The following ICA1L variants were observed in gnomAD, a reference collection of about 807,000 sequenced individuals.
ICA1L encodes the protein islet cell autoantigen 1 like, also known as islet cell autoantigen 1-like protein.
A neutral mutation model predicts 61.3 loss-of-function variants in ICA1L; 50 were observed. The observed-to-expected ratio is 0.82, with a 90% CI of 0.65 to 1.03. The LOEUF (loss-of-function observed/expected upper bound fraction) is 1.03. Ranked by LOEUF, ICA1L falls within the 50% of genes least tolerant of loss-of-function variation. The pLI is 0.00. For synonymous variants in ICA1L, 161 were observed against 191.3 expected (o/e 0.84, Z 1.31); for missense variants, 508 against 556.7 (o/e 0.91, Z 0.88).
chr2:202,807,130 G>C (rs1433883978), intron 9 of ICA1L, among the ~76,000 whole-genome samples: 1 of 152,152 alleles, frequency 6.6e-6, no homozygotes, highest in African/African-American at 2.4e-5. Context: ...ATCCATACAA[G>C]AAAGAACCTT....
rs115016096 is a variant in ICA1L, at chr2:202,807,965, C to T, written c.910+3781G>A. On this transcript the variant is annotated intron_variant, in intron 9 of 12. Transcript: ENST00000358299. ...ACCCTGGGCCCTGAATAAACATCAGCAGCACCCAGGCAGTACTCACCATGG... is the reference window on the plus strand; with the variant it reads ...ACCCTGGGCCCTGAATAAACATCAGTAGCACCCAGGCAGTACTCACCATGG... 5.2e-3 allele frequency among the ~76,000 whole-genome samples: 797 copies of T among 152,286 alleles called. 5 individuals carry two copies. The highest frequency in any genetic ancestry group is 0.018 in the African/African-American group (737 of 41,558).
chr2:202,792,741 T>C (rs1360515793), intron 10 of ICA1L, among the ~76,000 whole-genome samples: 8 of 152,028 alleles, frequency 5.3e-5, no homozygotes, highest in East Asian at 1.9e-4. Context: ...AGAAGGCAGG[T>C]TGCAGTGGGC....
At chr2:202,786,717 G>GAAAT (rs752819828) in intron 11 of ICA1L, 12 of 452,946 alleles carry the variant, frequency 2.6e-5, no homozygotes, top group Non-Finnish European at 4.9e-5. Flanking sequence ...TTTTCTTAAG[G>GAAAT]AAATAATTTA....
intron 6 of ICA1L, among the ~76,000 whole-genome samples, chr2:202,816,506 G>C (rs1328357108): frequency 6.6e-6 from 1 of 152,190 alleles, no homozygotes; most frequent in Non-Finnish European, 1.5e-5. Flanking sequence ...GCTAACTCAA[G>C]TAATTGGACA....
chr2:202,779,789 T>G, intron 12 of ICA1L, 141 bp from the exon 13 acceptor site: 2 of 557,296 alleles, frequency 3.6e-6, no homozygotes, highest in Non-Finnish European at 6.2e-6. Flanking sequence ...TCAACTATAG[T>G]CCCTTTAAGA....
intron 1 of ICA1L, chr2:202,841,565 T>C (rs753058664): frequency 1.6e-5 from 11 of 707,334 alleles, no homozygotes; most frequent in Admixed American, 1.1e-4. Flanking sequence ...CAGGCTCTGG[T>C]TGACTGTGAC....
In ICA1L at chr2:202,776,262, G is replaced by A. The variant is rs1692217778; in HGVS notation, c.*3271C>T. On this transcript the variant is annotated 3_prime_UTR_variant, in exon 13 of 13. Transcript: ENST00000358299. The stretch of plus-strand genomic sequence containing the variant: ...GATCTTATTATGCCCTGGTATTCCT[G>A]CGTCTCCTAAAAAATGGTTGTAGAC... 6.6e-6 allele frequency: 1 copy of A among 152,082 alleles called. No homozygotes were observed. Among genetic ancestry groups the A allele is most frequent in the Admixed American group, 6.5e-5 (1 of 15,274 alleles). 9.4% of individuals were successfully genotyped at this position (152,082 alleles called of 1,614,324 possible).
At chr2:202,789,204 C>A (rs1250368755) in intron 10 of ICA1L, 117 bp from the exon 11 acceptor site, 2 of 850,142 alleles carry the variant, frequency 2.4e-6, no homozygotes, top group Non-Finnish European at 3.6e-6. Context: ...TAATTTTAAA[C>A]AAACAACTAA....
At chr2:202,787,867 T>G (rs561392319) in intron 11 of ICA1L, among the ~76,000 whole-genome samples, 1 of 152,364 alleles carries the variant, frequency 6.6e-6, no homozygotes, top group South Asian at 2.1e-4. Flanking sequence ...CATTTCCATT[T>G]GGCAGTACTG....
chr2:202,867,893 C>T (rs1687565823), intron 1 of ICA1L, among the ~76,000 whole-genome samples: 1 of 152,134 alleles, frequency 6.6e-6, no homozygotes, highest in African/African-American at 2.4e-5. Context: ...TGCCCAAAGA[C>T]CTGTAAATGT....
chr2:202,809,075 C>T (rs1693304380), intron 9 of ICA1L, among the ~76,000 whole-genome samples: 1 of 152,032 alleles, frequency 6.6e-6, no homozygotes, highest in Admixed American at 6.6e-5. Context: ...CCTGAAGTGA[C>T]AGAGATATGT....
rs1316041820 is a variant in ICA1L at position 202,774,182 on chromosome 2, G to A, written c.*5351C>T. The A allele has an allele frequency of 2.0e-5, 31 of 1,550,138 alleles. No individual in the cohort carries two copies. Among genetic ancestry groups the A allele is most frequent in the Non-Finnish European group, 2.5e-5 (29 of 1,145,902 alleles). On this transcript the variant is annotated 3_prime_UTR_variant, in exon 13 of 13. Coordinates refer to ENST00000358299, the MANE Select transcript of ICA1L (RefSeq NM_001288622.3). ...ATATCTGAGCGGCTTCTTGGAGAGC[G>A]GGCACACCAGGAACTCCAGCAGCGC...
chr2:202,857,779 G>GA (rs1322456959), intron 1 of ICA1L, among the ~76,000 whole-genome samples: 3 of 151,816 alleles, frequency 2.0e-5, no homozygotes, highest in African/African-American at 7.3e-5. Context: ...AAATTTACAA[G>GA]AAAAAAACAA....
Position 202,798,339 on chromosome 2 carries a change from C to T in ICA1L, c.911-1375G>A, listed in dbSNP as rs865842042. 4.6e-5 allele frequency among the ~76,000 whole-genome samples: 7 copies of T among 152,196 alleles called. No homozygotes were observed. In the South Asian group the frequency reaches 1.5e-3, roughly 32 times the overall value. On this transcript the variant is annotated intron_variant, in intron 9 of 12. Transcript: ENST00000358299. The stretch of plus-strand genomic sequence containing the variant: ...AACTCCCAGGCTCAAGAGATCTTCC[C>T]ACCTCAGTAGCTGGGACTCATCCCA...
chr2:202,856,009 G>A (rs1294168144), intron 1 of ICA1L, among the ~76,000 whole-genome samples: 1 of 147,458 alleles, frequency 6.8e-6, no homozygotes, highest in Admixed American at 6.9e-5. Flanking sequence ...GGAGGCAGAG[G>A]TTGCAGTGAG....
chr2:202,804,830 T>C (rs767267843), intron 9 of ICA1L, among the ~76,000 whole-genome samples: 33 of 152,222 alleles, frequency 2.2e-4, no homozygotes, highest in Non-Finnish European at 4.4e-4. Context: ...CTGACCGTGA[T>C]GCAACTTGGT....
chr2:202,812,545 C>G (rs1693408201), intron 8 of ICA1L, among the ~76,000 whole-genome samples: 1 of 151,900 alleles, frequency 6.6e-6, no homozygotes, highest in Admixed American at 6.6e-5. Flanking sequence ...CCACTGCACT[C>G]TAGCCTGGGT....
intron 9 of ICA1L, 125 bp from the exon 10 acceptor site, chr2:202,797,089 G>T: frequency 4.1e-6 from 2 of 489,812 alleles, no homozygotes; most frequent in Non-Finnish European, 3.6e-6. Context: ...CATACAAAAG[G>T]GAAACATAAA....
intron 1 of ICA1L, among the ~76,000 whole-genome samples, chr2:202,836,318 T>C (rs1338900396): frequency 6.6e-6 from 1 of 152,226 alleles, no homozygotes; most frequent in African/African-American, 2.4e-5. Context: ...TGTATCACTA[T>C]TGATTCGCAT....
Sources: gnomAD v4.1 joint callset for allele counts (sites outside exome capture counted in the v4.1 genomes callset) on GRCh38, gnomAD v4.1.1 for gene constraint, MANE v1.5 for transcripts, NCBI Gene and HGNC (gene_info 2026-07-23, HGNC 2026-07-21) for gene names.